The following ICA1L variants were observed in gnomAD, a reference collection of about 807,000 sequenced individuals.
The protein encoded by ICA1L is islet cell autoantigen 1 like, also known as islet cell autoantigen 1-like protein.
ICA1L carries 50 observed loss-of-function variants against 61.3 expected under a neutral mutation model. The ratio of observed to expected loss-of-function variants is 0.82; its 90% confidence interval spans 0.65 to 1.03. The LOEUF (loss-of-function observed/expected upper bound fraction) is 1.03. Ranked by LOEUF, ICA1L falls within the 50% of genes least tolerant of loss-of-function variation. The pLI, the probability that ICA1L is intolerant of heterozygous loss-of-function variation, is 0.00. For synonymous variants in ICA1L, 161 were observed against 191.3 expected (o/e 0.84, Z 1.31); for missense variants, 508 against 556.7 (o/e 0.91, Z 0.88).
intron 1 of ICA1L, among the ~76,000 whole-genome samples, chr2:202,864,169 C>G (rs1022795154): frequency 6.6e-6 from 1 of 152,138 alleles, no homozygotes; most frequent in Non-Finnish European, 1.5e-5. Context: ...AAGAATAGTT[C>G]CCAATTCATT....
chr2:202,796,910 T>C lies in ICA1L; in HGVS notation c.965A>G (p.Gln322Arg). The C allele has an allele frequency of 6.3e-7, 1 of 1,597,236 alleles. No individual in the cohort carries two copies. Among genetic ancestry groups the C allele is most frequent in the Non-Finnish European group, 8.5e-7 (1 of 1,170,852 alleles). ...HSQMREFGAPQFSNSENVAKD... is the reference protein window; with the variant it reads ...HSQMREFGAPRFSNSENVAKD... Reference sequence around the variant, plus strand: ...CTTACCATTTTCAGAGTTAGAAAACTGAGGTGCTCCAAATTCTCTCATTTG... The same window carrying C: ...CTTACCATTTTCAGAGTTAGAAAACCGAGGTGCTCCAAATTCTCTCATTTG... The change falls in exon 10 of 13, where the codon CAG (glutamine) becomes CGG (arginine). Residue 322 changes from glutamine (Q) to arginine (R), a missense_variant. Gln to Arg is a conservative substitution (Grantham distance 43, BLOSUM62 1). Coordinates refer to ENST00000358299, the MANE Select transcript of ICA1L (RefSeq NM_001288622.3).
intron 3 of ICA1L, among the ~76,000 whole-genome samples, chr2:202,823,202 C>T (rs1268900024): frequency 6.6e-6 from 1 of 152,066 alleles, no homozygotes; most frequent in Non-Finnish European, 1.5e-5. Flanking sequence ...ACCTGCCTGC[C>T]AAAATCTACA....
At chr2:202,806,933 T>C (rs1693244028) in intron 9 of ICA1L, among the ~76,000 whole-genome samples, 1 of 152,246 alleles carries the variant, frequency 6.6e-6, no homozygotes, top group Non-Finnish European at 1.5e-5. Flanking sequence ...TGTATTTATT[T>C]TTTAAAGATA....
intron 9 of ICA1L, among the ~76,000 whole-genome samples, chr2:202,800,403 C>T (rs780475237): frequency 2.6e-5 from 4 of 152,082 alleles, no homozygotes; most frequent in Non-Finnish European, 5.9e-5. Context: ...CCTCCACAGG[C>T]AAAACTCTAC....
At chr2:202,871,190 C>G (rs1479523150) in intron 1 of ICA1L, 1 of 152,250 alleles carries the variant, frequency 6.6e-6, no homozygotes, top group Non-Finnish European at 1.5e-5. Flanking sequence ...CAGGGAAGCA[C>G]CTGAAGGCTG....
intron 1 of ICA1L, among the ~76,000 whole-genome samples, chr2:202,857,041 A>T (rs1320451077): frequency 6.6e-6 from 1 of 152,246 alleles, no homozygotes; most frequent in Non-Finnish European, 1.5e-5. Flanking sequence ...AATATCATGA[A>T]AATGGCTATA....
At chr2:202,855,565 C>A (rs1438689832) in intron 1 of ICA1L, among the ~76,000 whole-genome samples, 1 of 152,118 alleles carries the variant, frequency 6.6e-6, no homozygotes, top group Non-Finnish European at 1.5e-5. Flanking sequence ...GACACATACA[C>A]CCTCCCAAGG....
intron 1 of ICA1L, among the ~76,000 whole-genome samples, chr2:202,857,671 C>G (rs1694803120): frequency 6.6e-6 from 1 of 152,126 alleles, no homozygotes; most frequent in Non-Finnish European, 1.5e-5. Context: ...AAGAAACTAT[C>G]ATCAAAGTGA....
intron 9 of ICA1L, among the ~76,000 whole-genome samples, chr2:202,799,172 T>C (rs1284305115): frequency 6.6e-6 from 1 of 152,222 alleles, no homozygotes; most frequent in Non-Finnish European, 1.5e-5. Flanking sequence ...TAATTATATT[T>C]TTAATTTTAT....
chr2:202,824,545 AC>A (rs1693783126), intron 3 of ICA1L, among the ~76,000 whole-genome samples: 1 of 152,074 alleles, frequency 6.6e-6, no homozygotes, highest in South Asian at 2.1e-4. Context: ...TATTTTTTGT[AC>A]CCTCTGAGGG....
chr2:202,865,185 T>C (rs1321328882), intron 1 of ICA1L, among the ~76,000 whole-genome samples: 5 of 148,472 alleles, frequency 3.4e-5, no homozygotes, highest in Middle Eastern at 7.1e-3. Context: ...AATCTCCTCT[T>C]TGGCCGGGCA....
chr2:202,820,852 GA>G (rs1347342138), intron 4 of ICA1L, among the ~76,000 whole-genome samples: 1 of 152,140 alleles, frequency 6.6e-6, no homozygotes, highest in African/African-American at 2.4e-5. Context: ...AAATGCAAAA[GA>G]TTTGGGCTAG....
rs562230381 is a variant in ICA1L, at chr2:202,777,044, C to CTTTTTTTTTTT, written c.*2478_*2488dup. The CTTTTTTTTTTT allele has an allele frequency of 2.2e-3, 148 of 68,586 alleles. 13 individuals are homozygous for CTTTTTTTTTTT. Among genetic ancestry groups the CTTTTTTTTTTT allele is most frequent in the African/African-American group, 9.5e-3 (145 of 15,268 alleles). The allele number at this position is 68,586 out of a possible 1,614,324, so 4.2% of individuals were successfully genotyped here. A position where few individuals can be genotyped will look rare whatever the true frequency, so the allele number is the denominator to read the frequency against. ...ACAAACTCTCAAGACATAAAGTTAGCTTTTTTTTTTTTTTTTTTTTTTTTT... is the reference window on the plus strand; with the variant it reads ...ACAAACTCTCAAGACATAAAGTTAGCTTTTTTTTTTTTTTTTTTTTTTTTTTTTTTTTTTTT... On this transcript the variant is annotated 3_prime_UTR_variant, in exon 13 of 13. Transcript: ENST00000358299.
chr2:202,841,504 G>A (rs1694329082), intron 1 of ICA1L: 3 of 746,706 alleles, frequency 4.0e-6, no homozygotes, highest in Non-Finnish European at 4.9e-6. Context: ...CCTTCTCCTG[G>A]GTGCACACGG....
intron 1 of ICA1L, chr2:202,841,316 G>A: frequency 1.3e-6 from 1 of 764,716 alleles, no homozygotes; most frequent in Admixed American, 1.7e-5. Context: ...GCCTTTCCAA[G>A]CCCAGAGTCT....
At chr2:202,786,465 C>T (rs1351743398) in intron 11 of ICA1L, among the ~76,000 whole-genome samples, 4 of 151,940 alleles carry the variant, frequency 2.6e-5, no homozygotes, top group South Asian at 4.2e-4. Flanking sequence ...AGGAGAATGG[C>T]GTGAACCCGG....
chr2:202,811,316 G>C (rs145025951), intron 9 of ICA1L, among the ~76,000 whole-genome samples: 1 of 151,894 alleles, frequency 6.6e-6, no homozygotes, highest in Non-Finnish European at 1.5e-5. Context: ...GGTGAATTTC[G>C]CCTGATAAAA....
chr2:202,814,783 T>TG lies in ICA1L; in HGVS notation c.784dup (p.Gln262ProfsTer10). The TG allele has an allele frequency of 6.2e-7, 1 of 1,607,854 alleles. No individual in the cohort carries two copies. On this transcript the variant is annotated frameshift_variant and splice_region_variant, in exon 8 of 13. Transcript: ENST00000358299. LOFTEE classifies it high-confidence loss of function. ...AATCTTGCTTGGCGTGTCTTGTAGT[T>TG]GCTAAAGATAAGAAAGTCAATGTTA...
intron 3 of ICA1L, among the ~76,000 whole-genome samples, chr2:202,824,061 A>G (rs1278979697): frequency 1.3e-5 from 2 of 152,216 alleles, no homozygotes; most frequent in Admixed American, 6.5e-5. Context: ...AGTACTGACT[A>G]CATGCTAGAC....
Sources: gnomAD v4.1 joint callset for allele counts (sites outside exome capture counted in the v4.1 genomes callset) on GRCh38, gnomAD v4.1.1 for gene constraint, MANE v1.5 for transcripts, NCBI Gene and HGNC (gene_info 2026-07-23, HGNC 2026-07-21) for gene names.